Variants in SNX29 observed in about 807,000 individuals in gnomAD.
The protein encoded by SNX29 is sorting nexin 29, also known as sorting nexin-29.
SNX29 carries 78 observed loss-of-function variants against 102.1 expected under a neutral mutation model. The ratio of observed to expected loss-of-function variants is 0.76; its 90% CI spans 0.64 to 0.92. The LOEUF (loss-of-function observed/expected upper bound fraction) is 0.92. Among genes scored for constraint, SNX29 ranks in the 40% least tolerant of loss-of-function variants. SNX29 has a pLI of 0.00. For missense variants in SNX29, 1,280 were observed against 1,061.7 expected, an observed-to-expected ratio of 1.21 and a Z score of -2.86; for synonymous variants, 580 against 414.5, an observed-to-expected ratio of 1.40 and a Z score of -4.85.
chr16:12,290,068 G>A (rs1328470274), intron 15 of SNX29, among the ~76,000 whole-genome samples: 1 of 152,172 alleles, frequency 6.6e-6, no homozygotes, highest in South Asian at 2.1e-4. Context: ...AATGCATGTA[G>A]ACGGGCAATG....
At chr16:12,306,094 T>A (rs1367639383) in intron 15 of SNX29, among the ~76,000 whole-genome samples, 1 of 151,720 alleles carries the variant, frequency 6.6e-6, no homozygotes, top group Admixed American at 6.6e-5. Context: ...TTCATCCTCA[T>A]GATCATATGA....
intron 18 of SNX29, among the ~76,000 whole-genome samples, chr16:12,476,389 T>TAC (rs1567603178): frequency 1.4e-4 from 2 of 13,962 alleles, no homozygotes; most frequent in Non-Finnish European, 2.2e-4. Context: ...AAAAAATATA[T>TAC]ATATATATAT....
chr16:12,042,541 C>G (rs2049925726), intron 4 of SNX29, among the ~76,000 whole-genome samples: 1 of 152,202 alleles, frequency 6.6e-6, no homozygotes, highest in East Asian at 1.9e-4. Flanking sequence ...CTGTGTGTAC[C>G]CAGGGTTGAG....
chr16:12,220,575 T>C (rs1403794631), intron 14 of SNX29, among the ~76,000 whole-genome samples: 9 of 152,212 alleles, frequency 5.9e-5, no homozygotes, highest in African/African-American at 2.4e-5. Context: ...TCTTCCCTGC[T>C]CGTGCTGATC....
chr16:12,397,774 A>G (rs1321061393), intron 16 of SNX29, among the ~76,000 whole-genome samples: 1 of 152,218 alleles, frequency 6.6e-6, no homozygotes, highest in Non-Finnish European at 1.5e-5. Context: ...CCTATCTGAC[A>G]GGGAGCTGAG....
intron 15 of SNX29, among the ~76,000 whole-genome samples, chr16:12,344,390 C>T (rs1191114438): frequency 6.6e-6 from 1 of 152,176 alleles, no homozygotes; most frequent in African/African-American, 2.4e-5. Flanking sequence ...CCGTGAGCCT[C>T]CATTTCCTCA....
At chr16:12,127,528 C>G (rs1180297220) in intron 12 of SNX29, among the ~76,000 whole-genome samples, 1 of 151,270 alleles carries the variant, frequency 6.6e-6, no homozygotes, top group Non-Finnish European at 1.5e-5. Context: ...CTCAAGTGAT[C>G]CTCCAGCGTC....
chr16:12,302,648 G>C (rs2080213757), intron 15 of SNX29, among the ~76,000 whole-genome samples: 1 of 152,186 alleles, frequency 6.6e-6, no homozygotes, highest in Non-Finnish European at 1.5e-5. Flanking sequence ...CAAAGGCCCT[G>C]CTCTTCTAAT....
Position 12,376,032 on chromosome 16 carries a change from C to CAAAAAAAAAAAAAAAA in SNX29, c.1899+19759_1899+19774dup. 2.4e-5 allele frequency: 2 copies of CAAAAAAAAAAAAAAAA among 83,968 alleles called. 1 individual carries two copies. 5.2% of individuals were successfully genotyped at this position (83,968 alleles called of 1,614,324 possible). On this transcript the variant is annotated intron_variant, in intron 16 of 20. Transcript: ENST00000566228. ...TGGGTGACAGAGCGAGACTCCGTCT[C>CAAAAAAAAAAAAAAAA]AAAAAAAAAAAAAAAAAAAAAGTGG...
intron 10 of SNX29, among the ~76,000 whole-genome samples, chr16:12,076,688 T>C (rs566540310): frequency 6.6e-6 from 1 of 152,216 alleles, no homozygotes; most frequent in East Asian, 1.9e-4. Flanking sequence ...CAAAGTCTTA[T>C]GCCACTGCCA....
chr16:12,419,447 G>C (rs574933450), intron 18 of SNX29, among the ~76,000 whole-genome samples: 5 of 152,160 alleles, frequency 3.3e-5, no homozygotes, highest in Admixed American at 3.3e-4. Context: ...TCTTGGTTGC[G>C]GGAGGAGGAA....
intron 18 of SNX29, among the ~76,000 whole-genome samples, chr16:12,406,588 G>T (rs1322066936): frequency 6.6e-6 from 1 of 152,192 alleles, no homozygotes; most frequent in Non-Finnish European, 1.5e-5. Context: ...CTAGCCATGT[G>T]TGGCTCTTGA....
chr16:12,055,626 A>G (rs1021526904), intron 8 of SNX29, among the ~76,000 whole-genome samples: 10 of 152,274 alleles, frequency 6.6e-5, no homozygotes, highest in African/African-American at 2.4e-4. Flanking sequence ...GACCCAGGGA[A>G]GAGTTGCAGT....
At chr16:12,435,927 G>A (rs1290534450) in intron 18 of SNX29, among the ~76,000 whole-genome samples, 1 of 152,200 alleles carries the variant, frequency 6.6e-6, no homozygotes, top group Non-Finnish European at 1.5e-5. Flanking sequence ...GCTATCTGTG[G>A]GAACAGCGAC....
chr16:12,541,255 C>T (rs772013792), intron 20 of SNX29, among the ~76,000 whole-genome samples: 5 of 152,124 alleles, frequency 3.3e-5, no homozygotes, highest in African/African-American at 4.8e-5. Flanking sequence ...CATATCTTAT[C>T]AGGGAGAGAA....
At chr16:12,182,127 C>T (rs1255195043) in intron 13 of SNX29, among the ~76,000 whole-genome samples, 2 of 150,064 alleles carry the variant, frequency 1.3e-5, no homozygotes, top group African/African-American at 4.9e-5. Flanking sequence ...CCTCAGGTGA[C>T]CTACCTGTTT....
intron 15 of SNX29, 58 bp downstream of exon 15, chr16:12,278,094 T>C (rs776951797): frequency 5.4e-6 from 8 of 1,468,662 alleles, no homozygotes; most frequent in African/African-American, 2.8e-5. Context: ...TTGGAGACTT[T>C]CCAGGGTAGG....
At chr16:12,428,810 C>A (rs1018250009) in intron 18 of SNX29, among the ~76,000 whole-genome samples, 1 of 151,992 alleles carries the variant, frequency 6.6e-6, no homozygotes, top group Non-Finnish European at 1.5e-5. Flanking sequence ...TTATTATCTC[C>A]TTCTAGTTAA....
chr16:12,373,060 A>G (rs1475355575), intron 16 of SNX29: 1 of 152,238 alleles, frequency 6.6e-6, no homozygotes, highest in Non-Finnish European at 1.5e-5. Context: ...CCATGTCCCC[A>G]TGATTAGTAG....
Sources: allele counts gnomAD v4.1 joint callset (sites outside exome capture counted in the v4.1 genomes callset), GRCh38; gene constraint gnomAD v4.1.1; transcripts MANE v1.5; gene names NCBI Gene and HGNC (gene_info 2026-07-23, HGNC 2026-07-21).